Variants in ZNF763 observed in about 807,000 individuals in gnomAD.
ZNF763 encodes the protein DNA-binding protein.
ZNF763 carries 33 observed loss-of-function variants against 38.0 expected under a neutral mutation model. The ratio of observed to expected loss-of-function variants is 0.87; its 90% CI spans 0.66 to 1.16. ZNF763 has a LOEUF of 1.16. Ranked by LOEUF, ZNF763 falls within the 50% of genes most tolerant of loss-of-function variation. The probability of loss-of-function intolerance (pLI) is 0.00; values close to 1 mark genes in which losing one functional copy is unlikely to be tolerated. For synonymous variants in ZNF763, 155 were observed against 160.1 expected, an observed-to-expected ratio of 0.97 and a Z score of 0.24; for missense variants, 423 against 469.1, an observed-to-expected ratio of 0.90 and a Z score of 0.91.
intron 1 of ZNF763, among the ~76,000 whole-genome samples, chr19:11,974,956 AG>A (rs1973452821): frequency 6.6e-6 from 1 of 152,206 alleles, no homozygotes; most frequent in African/African-American, 2.4e-5. Flanking sequence ...AAAACCTATC[AG>A]CTTAAGGAAT....
intron 1 of ZNF763, among the ~76,000 whole-genome samples, chr19:11,968,683 G>A (rs1017213442): frequency 2.0e-5 from 3 of 152,064 alleles, no homozygotes; most frequent in Admixed American, 6.6e-5. Flanking sequence ...TGGAGTCTTT[G>A]TGTGAGAAAG....
intron 1 of ZNF763, among the ~76,000 whole-genome samples, chr19:11,966,673 C>T (rs1405919135): frequency 2.0e-5 from 3 of 152,070 alleles, no homozygotes; most frequent in East Asian, 3.9e-4. Context: ...CTCGCCTGGC[C>T]GCAAGGTATG....
intron 1 of ZNF763, among the ~76,000 whole-genome samples, chr19:11,976,208 C>T (rs907451430): frequency 2.0e-5 from 3 of 150,978 alleles, no homozygotes; most frequent in Non-Finnish European, 4.4e-5. Flanking sequence ...AGCCTCAGGA[C>T]TGCTAATGTT....
rs1314209200 is a variant in ZNF763, at chr19:11,974,061, C to CTTCTTTCTTTTCT, written c.4-2966_4-2954dup. ...ATTGTTTTCTTTCTTTCTTTCTTTC[C>CTTCTTTCTTTTCT]TTCTTTCTTTTCTTTCTTTCTTTCT... On this transcript the variant is annotated intron_variant, in intron 1 of 3. Coordinates refer to ENST00000358987, the MANE Select transcript of ZNF763 (RefSeq NM_001367172.2). Among the ~76,000 whole-genome samples the CTTCTTTCTTTTCT allele has an allele frequency of 9.1e-4, 131 of 144,244 alleles. 3 individuals carry two copies. Among genetic ancestry groups the CTTCTTTCTTTTCT allele is most frequent in the African/African-American group, 3.1e-3 (116 of 37,314 alleles). 94.6% of individuals were successfully genotyped at this position (144,244 alleles called of 152,430 possible).
At chr19:11,975,185 G>C (rs894666965) in intron 1 of ZNF763, among the ~76,000 whole-genome samples, 3 of 151,102 alleles carry the variant, frequency 2.0e-5, no homozygotes, top group Non-Finnish European at 4.4e-5. Context: ...CACAACCTCC[G>C]CCTCCCGGGT....
chr19:11,979,401 T>G lies in ZNF763; in HGVS notation c.*292T>G, dbSNP rs1454137533. ...AAAGCCTTCAGATCTGCCTCACACC[T>G]TCAAATTCATGAAAGGACACAAACA... On this transcript the variant is annotated 3_prime_UTR_variant, in exon 4 of 4. Transcript: ENST00000358987. 8.7e-6 allele frequency: 14 copies of G among 1,608,034 alleles called. No individual in the cohort carries two copies. Among genetic ancestry groups the G allele is most frequent in the Non-Finnish European group, 1.0e-5 (12 of 1,177,650 alleles).
At chr19:11,967,142 C>G (rs930569197) in intron 1 of ZNF763, among the ~76,000 whole-genome samples, 1 of 152,160 alleles carries the variant, frequency 6.6e-6, no homozygotes, top group African/African-American at 2.4e-5. Flanking sequence ...CGAGACCACC[C>G]TGGGCAACAT....
chr19:11,974,143 TTTCTTTCTTTCTTTCCTTCCTTCC>T (rs1568308586), intron 1 of ZNF763, among the ~76,000 whole-genome samples: 28 of 128,880 alleles, frequency 2.2e-4, no homozygotes, highest in Non-Finnish European at 3.4e-4. Flanking sequence ...TCTTTCTTTC[TTTCTTTCTTTCTTTCCTTCCTTCC>T]TTCCTTCCTT....
At chr19:11,968,887 G>A (rs1347367103) in intron 1 of ZNF763, among the ~76,000 whole-genome samples, 2 of 152,106 alleles carry the variant, frequency 1.3e-5, no homozygotes, top group African/African-American at 4.8e-5. Flanking sequence ...TAAAAAGACA[G>A]TGACAAGGGA....
chr19:11,967,705 T>A (rs1274126360), intron 1 of ZNF763, among the ~76,000 whole-genome samples: 1 of 152,152 alleles, frequency 6.6e-6, no homozygotes, highest in Non-Finnish European at 1.5e-5. Context: ...GTCCGGCCCC[T>A]GTCTCTATTT....
Position 11,965,060 on chromosome 19 carries a change from G to T in ZNF763, c.-149G>T. ...CATTCCTGTCCTCACCTTTGTCCTT[G>T]CGCAGCCGGTGGTTGATATCCGCTG... On this transcript the variant is annotated 5_prime_UTR_variant, in exon 1 of 4. Coordinates refer to ENST00000358987, the MANE Select transcript of ZNF763 (RefSeq NM_001367172.2). 1 of 975,394 alleles carries T rather than the reference G, an allele frequency of 1.0e-6. No individual in the cohort carries two copies. Among genetic ancestry groups the T allele is most frequent in the Non-Finnish European group, 1.6e-6 (1 of 633,970 alleles). The allele number at this position is 975,394 out of a possible 1,614,324, so 60.4% of individuals were successfully genotyped here.
intron 1 of ZNF763, among the ~76,000 whole-genome samples, chr19:11,974,865 G>A (rs1355122632): frequency 1.3e-5 from 2 of 152,138 alleles, no homozygotes; most frequent in African/African-American, 4.8e-5. Flanking sequence ...GGCCTTGCAA[G>A]GTGCTGGGAT....
chr19:11,966,016 A>G (rs1017384651), intron 1 of ZNF763, among the ~76,000 whole-genome samples: 4 of 152,140 alleles, frequency 2.6e-5, no homozygotes, highest in Non-Finnish European at 4.4e-5. Context: ...GTAGGAAGGA[A>G]TGCTGAAGGA....
Position 11,965,217 on chromosome 19 carries a change from T to C in ZNF763, c.3+6T>C. 2 of 1,614,040 alleles carry C rather than the reference T, an allele frequency of 1.2e-6. No individual in the cohort carries two copies. The highest frequency in any genetic ancestry group is 1.7e-6 in the Non-Finnish European group (2 of 1,179,940). The stretch of plus-strand genomic sequence containing the variant: ...CATCTGAAAGCCAGGAAATGGTGCG[T>C]GTGCATAGCCGGTTGTCCCGAGACG... On this transcript the variant is annotated splice_donor_region_variant and intron_variant, in intron 1 of 3. Coordinates refer to ENST00000358987, the MANE Select transcript of ZNF763 (RefSeq NM_001367172.2).
chr19:11,979,281 T>C lies in ZNF763; in HGVS notation c.*172T>C, dbSNP rs894925054. ...ACACTGGAGAGAAACCCTATGAGTG[T>C]AAGCAATGTGGGAAAGCCTTCAGAT... is the stretch of plus-strand genomic sequence containing the variant. On this transcript the variant is annotated 3_prime_UTR_variant, in exon 4 of 4. Coordinates refer to ENST00000358987, the MANE Select transcript of ZNF763 (RefSeq NM_001367172.2). The C allele has an allele frequency of 6.2e-7, 1 of 1,613,248 alleles. No homozygotes were observed. The highest frequency in any genetic ancestry group is 1.3e-5 in the African/African-American group (1 of 74,730).
intron 1 of ZNF763, among the ~76,000 whole-genome samples, chr19:11,974,109 CTTT>C (rs766639540): frequency 2.9e-5 from 2 of 67,920 alleles, no homozygotes; most frequent in African/African-American, 1.1e-4. Context: ...TTCTTTCTTT[CTTT>C]CTTTCTTTCT....
rs991802093 is a variant in ZNF763, at chr19:11,965,282, C to T, written c.3+71C>T. On this transcript the variant is annotated intron_variant, in intron 1 of 3. Transcript: ENST00000358987. Reference sequence around the variant, plus strand: ...TGGAACCGGCCGGAACCGGCTGCGGCGGGACCCGGGCCTCCCTGCGGGCGA... The same window carrying T: ...TGGAACCGGCCGGAACCGGCTGCGGTGGGACCCGGGCCTCCCTGCGGGCGA... The T allele has an allele frequency of 3.1e-6, 5 of 1,604,618 alleles. No individual in the cohort carries two copies. The East Asian group carries it at 6.7e-5, about 22-fold the overall frequency.
At chr19:11,975,701 A>G (rs1177545911) in intron 1 of ZNF763, among the ~76,000 whole-genome samples, 3 of 152,208 alleles carry the variant, frequency 2.0e-5, no homozygotes, top group Admixed American at 2.0e-4. Flanking sequence ...GTTACTTTCT[A>G]AGACTAAATA....
chr19:11,979,138 T>C lies in ZNF763; in HGVS notation c.*29T>C. 1 of 1,612,800 alleles carries C rather than the reference T, an allele frequency of 6.2e-7. No homozygotes were observed. The highest frequency in any genetic ancestry group is 8.5e-7 in the Non-Finnish European group (1 of 1,179,734). On this transcript the variant is annotated 3_prime_UTR_variant, in exon 4 of 4. Coordinates refer to ENST00000358987, the MANE Select transcript of ZNF763 (RefSeq NM_001367172.2). ...TTAGATATGTGGGAAAGGCCTTTAT[T>C]CTGCCAAGTCATTTCGAAGACATGA...
Sources: gnomAD v4.1 joint callset for allele counts (sites outside exome capture counted in the v4.1 genomes callset) on GRCh38, gnomAD v4.1.1 for gene constraint, MANE v1.5 for transcripts, NCBI Gene and HGNC (gene_info 2026-07-23, HGNC 2026-07-21) for gene names.